Variants in CUX1 observed in about 807,000 individuals in gnomAD.
CUX1 encodes the protein cut like homeobox 1, also known as protein CASP.
In CUX1, 31 loss-of-function variants were observed where a neutral mutation model predicts 158.8. The observed-to-expected ratio is 0.20, with a 90% CI of 0.15 to 0.26. CUX1 has a LOEUF of 0.26. Ranked by LOEUF, CUX1 falls within the 10% of genes least tolerant of loss-of-function variation. The pLI, the probability that CUX1 is intolerant of heterozygous loss-of-function variation, is 1.00. For missense variants in CUX1, 1,589 were observed against 2,014.6 expected (o/e 0.79, Z 4.04); for synonymous variants, 879 against 862.1 (o/e 1.02, Z -0.34).
At position 102,239,422 on chromosome 7, in the gene CUX1, A is replaced by C. The variant is rs1285578845; in HGVS notation, c.3725A>C (p.His1242Pro). 4 of 1,613,794 alleles carry C rather than the reference A, an allele frequency of 2.5e-6. No homozygotes were observed. Among genetic ancestry groups the C allele is most frequent in the Non-Finnish European group, 3.4e-6 (4 of 1,179,942 alleles). Residue 1242 changes from histidine to proline, a missense_variant, in exon 23 of 24, where the codon CAC becomes CCC. By Grantham distance (77) the His-to-Pro change is moderately conservative (BLOSUM62 -2). Coordinates refer to ENST00000292535, the MANE Select transcript of CUX1 (RefSeq NM_181552.4). ...CAGGGCGCCAGCCCCCAGCCCCAGC[A>C]CCAGCTGAAGAAACCCCGGGTGGTG... ...YSQGASPQPQ[H>P]QLKKPRVVLA...
At chr7:102,188,979 C>T (rs1318185266) in intron 11 of CUX1, among the ~76,000 whole-genome samples, 1 of 152,124 alleles carries the variant, frequency 6.6e-6, no homozygotes, top group Non-Finnish European at 1.5e-5. Context: ...GCATCTCGGT[C>T]AGGGCCCTCC....
chr7:102,174,150 C>T (rs908183818), intron 10 of CUX1, among the ~76,000 whole-genome samples: 4 of 152,072 alleles, frequency 2.6e-5, no homozygotes, highest in South Asian at 4.2e-4. Context: ...GATGTAGCCC[C>T]GCTCTGTCAC....
At chr7:102,275,542 CA>C in intron 17 of CUX1, among the ~76,000 whole-genome samples, 1 of 152,270 alleles carries the variant, frequency 6.6e-6, no homozygotes. Context: ...AAAGAAGACT[CA>C]GATGCTCACA....
At chr7:102,027,283 G>A (rs1254950970) in intron 2 of CUX1, among the ~76,000 whole-genome samples, 1 of 152,002 alleles carries the variant, frequency 6.6e-6, no homozygotes, top group African/African-American at 2.4e-5. Context: ...TGAGGTGAGA[G>A]AATCACTCAA....
intron 1 of CUX1, among the ~76,000 whole-genome samples, chr7:101,847,181 G>T (rs2131222299): frequency 6.6e-6 from 1 of 152,280 alleles, no homozygotes; most frequent in Non-Finnish European, 1.5e-5. Context: ...CCACCTGGTG[G>T]AGAAGGTAGT....
At chr7:102,185,193 C>T (rs79576790) in intron 11 of CUX1, among the ~76,000 whole-genome samples, 2,857 of 152,288 alleles carry the variant, frequency 0.019, 104 homozygotes, top group African/African-American at 0.065. Context: ...TTCAACCCCA[C>T]CTAGCAGGGA....
rs539542672 is a variant in CUX1 at position 101,889,965 on chromosome 7, C to T, written c.31-26150C>T. Among the ~76,000 whole-genome samples, 10 of 152,264 alleles carry T rather than the reference C, an allele frequency of 6.6e-5. No homozygotes were observed. In the South Asian group the frequency reaches 8.3e-4, roughly 13 times the overall value. ...TAACTAAGCTTTTCCACCTTCACTA[C>T]GGGGTACCAGGGTCTTTGTAGCAGA... On this transcript the variant is annotated intron_variant, in intron 1 of 23. Coordinates refer to ENST00000292535, the MANE Select transcript of CUX1 (RefSeq NM_181552.4).
intron 1 of CUX1, among the ~76,000 whole-genome samples, chr7:101,900,271 T>G (rs1455564990): frequency 1.3e-5 from 2 of 152,222 alleles, no homozygotes; most frequent in African/African-American, 4.8e-5. Flanking sequence ...TGTCATGTAG[T>G]GTAACCTGTT....
intron 1 of CUX1, among the ~76,000 whole-genome samples, chr7:101,909,699 A>G (rs1461757156): frequency 6.6e-6 from 1 of 152,204 alleles, no homozygotes; most frequent in Non-Finnish European, 1.5e-5. Context: ...AAAGTTTGAG[A>G]TAATAAAACA....
intron 2 of CUX1, among the ~76,000 whole-genome samples, chr7:101,988,437 T>A (rs915531092): frequency 6.6e-6 from 1 of 152,090 alleles, no homozygotes; most frequent in Admixed American, 6.6e-5. Flanking sequence ...GCTGTGGGCC[T>A]CTCGGGTGCT....
At chr7:102,063,449 C>G (rs1016347419) in intron 3 of CUX1, among the ~76,000 whole-genome samples, 4 of 128,388 alleles carry the variant, frequency 3.1e-5, no homozygotes, top group Non-Finnish European at 6.2e-5. Flanking sequence ...AGTGCAATGG[C>G]ACGATCTTGG....
At chr7:102,223,090 C>A (rs1554527602) in intron 20 of CUX1, among the ~76,000 whole-genome samples, 1 of 151,398 alleles carries the variant, frequency 6.6e-6, no homozygotes, top group East Asian at 2.0e-4. Context: ...AGGCATGAGC[C>A]ACTGCGCCTG....
At chr7:102,177,346 G>A (rs1198144867) in intron 10 of CUX1, among the ~76,000 whole-genome samples, 2 of 151,336 alleles carry the variant, frequency 1.3e-5, no homozygotes, top group African/African-American at 4.9e-5. Flanking sequence ...CGCAGGAGAC[G>A]GAGGTTACAG....
downstream of CUX1, among the ~76,000 whole-genome samples, chr7:102,259,678 T>C (rs1790231528): frequency 6.6e-6 from 1 of 151,732 alleles, no homozygotes; most frequent in South Asian, 2.1e-4. Context: ...TTTTTCTGTT[T>C]GCTAGTTTAG....
chr7:102,234,373 T>A (rs191373063), intron 22 of CUX1, 133 bp downstream of exon 22: 488 of 765,140 alleles, frequency 6.4e-4, no homozygotes, highest in Admixed American at 1.2e-3. Context: ...GGCAAAAATA[T>A]TTTTGGATGG....
intron 22 of CUX1, among the ~76,000 whole-genome samples, chr7:102,234,910 A>G (rs1373708757): frequency 6.6e-6 from 1 of 151,960 alleles, no homozygotes; most frequent in East Asian, 1.9e-4. Context: ...GTGACAGACC[A>G]TGACCCTATC....
intron 1 of CUX1, among the ~76,000 whole-genome samples, chr7:101,853,480 GT>G (rs1182600894): frequency 3.3e-5 from 5 of 152,034 alleles, no homozygotes; most frequent in Admixed American, 3.3e-4. Context: ...CGCTTTGTCT[GT>G]TTTCCTCGTT....
At chr7:101,968,901 C>T (rs1475791465) in intron 2 of CUX1, among the ~76,000 whole-genome samples, 1 of 152,178 alleles carries the variant, frequency 6.6e-6, no homozygotes, top group Non-Finnish European at 1.5e-5. Flanking sequence ...CTGAACTCCT[C>T]TCTCCACATT....
intron 2 of CUX1, among the ~76,000 whole-genome samples, chr7:101,932,043 C>T (rs982234809): frequency 2.6e-5 from 4 of 152,180 alleles, no homozygotes; most frequent in African/African-American, 7.2e-5. Flanking sequence ...TTCACTTACT[C>T]TGGTTCATTG....
Sources: allele counts gnomAD v4.1 joint callset (sites outside exome capture counted in the v4.1 genomes callset), GRCh38; gene constraint gnomAD v4.1.1; transcripts MANE v1.5; gene names NCBI Gene and HGNC (gene_info 2026-07-23, HGNC 2026-07-21).